The following MSI2 variants were observed in gnomAD, a reference collection of about 807,000 sequenced individuals.
MSI2 encodes RNA-binding protein Musashi homolog 2.
A neutral mutation model predicts 45.6 loss-of-function variants in MSI2; 17 were observed. The observed-to-expected ratio is 0.37, with a 90% CI of 0.26 to 0.56. MSI2 has a LOEUF of 0.56. Among genes scored for constraint, MSI2 ranks in the 20% least tolerant of loss-of-function variants. The probability of loss-of-function intolerance (pLI) is 0.77; values close to 1 mark genes in which losing one functional copy is unlikely to be tolerated. For synonymous variants in MSI2, 156 were observed against 158.2 expected, an observed-to-expected ratio of 0.99 and a Z score of 0.11; for missense variants, 293 against 444.2, an observed-to-expected ratio of 0.66 and a Z score of 3.06.
intron 5 of MSI2, among the ~76,000 whole-genome samples, chr17:57,366,491 C>G (rs755362493): frequency 1.3e-5 from 2 of 152,212 alleles, no homozygotes; most frequent in Non-Finnish European, 1.5e-5. Context: ...TGAGAGACAA[C>G]CCCTAACTTT....
rs1479365893 is a variant in MSI2, at chr17:57,529,178, A to G, written c.406-498A>G. ...AGGCCTGGAGCAGTGGCTCACACCT[A>G]TAATCTCAGCGCTTTGAAAGGCTGC... is the stretch of plus-strand genomic sequence containing the variant. On this transcript the variant is annotated intron_variant, in intron 6 of 13. Coordinates refer to ENST00000284073, the MANE Select transcript of MSI2 (RefSeq NM_138962.4). The surrounding 1 kb of genome is among the most constrained non-coding windows in gnomAD (Gnocchi z 5.3). 6.6e-6 allele frequency among the ~76,000 whole-genome samples: 1 copy of G among 152,140 alleles called. No individual in the cohort carries two copies. The highest frequency in any genetic ancestry group is 6.5e-5 in the Admixed American group (1 of 15,278).
intron 11 of MSI2, among the ~76,000 whole-genome samples, chr17:57,663,020 A>G (rs1200896532): frequency 6.6e-6 from 1 of 152,256 alleles, no homozygotes; most frequent in East Asian, 1.9e-4. Context: ...TTCTCTGGGA[A>G]GACAGACGTC....
chr17:57,365,068 C>T (rs1917098372), intron 5 of MSI2: 1 of 152,104 alleles, frequency 6.6e-6, no homozygotes, highest in Non-Finnish European at 1.5e-5. Flanking sequence ...AGTAGATACC[C>T]AGCTAACTTA....
chr17:57,539,125 G>C (rs1328537028), intron 7 of MSI2, among the ~76,000 whole-genome samples: 1 of 151,452 alleles, frequency 6.6e-6, no homozygotes, highest in Admixed American at 6.6e-5. Flanking sequence ...AGAGAATTAA[G>C]CAACCTGAGA....
At chr17:57,503,704 GTTCACAGGTGC>G (rs2086165330) in intron 6 of MSI2, among the ~76,000 whole-genome samples, 1 of 152,218 alleles carries the variant, frequency 6.6e-6, no homozygotes, top group Non-Finnish European at 1.5e-5. Context: ...TGTGGTTCCT[GTTCACAGGTGC>G]TTATGGTTTA....
Position 57,681,896 on chromosome 17 carries a change from T to C in MSI2, c.*2379T>C, listed in dbSNP as rs1913624617. The C allele has an allele frequency of 4.8e-6, 1 of 206,634 alleles. No homozygotes were observed. Among genetic ancestry groups the C allele is most frequent in the Non-Finnish European group, 9.9e-6 (1 of 101,394 alleles). 12.8% of individuals were successfully genotyped at this position (206,634 alleles called of 1,614,324 possible). On this transcript the variant is annotated 3_prime_UTR_variant, in exon 14 of 14. Transcript: ENST00000284073. ...AGACGAGGGAATTTAATTCCTATTT[T>C]GTCCATGTTGGTGATGTACTGTACT...
intron 6 of MSI2, among the ~76,000 whole-genome samples, chr17:57,402,898 G>T (rs2084018661): frequency 6.6e-6 from 1 of 152,126 alleles, no homozygotes; most frequent in South Asian, 2.1e-4. Context: ...TGATGACTGT[G>T]TACGTTATAG....
intron 5 of MSI2, among the ~76,000 whole-genome samples, chr17:57,293,820 C>G (rs1910690131): frequency 6.6e-6 from 1 of 151,370 alleles, no homozygotes; most frequent in Non-Finnish European, 1.5e-5. Context: ...GTTGGTCAGG[C>G]TGGTCTCGAA....
intron 6 of MSI2, among the ~76,000 whole-genome samples, chr17:57,417,116 C>G (rs1262488669): frequency 3.3e-5 from 5 of 152,214 alleles, no homozygotes; most frequent in Non-Finnish European, 5.9e-5. Flanking sequence ...TCCTTTCCCT[C>G]AGCTGACTCG....
rs957001278 is a variant in MSI2, at chr17:57,666,509, G to A, written c.791-8463G>A. Reference sequence around the variant, plus strand: ...TCATTGGTTTTCACCTCCAGGCCCTGTTTTGTCCCTACCAGTATCAGGCCT... The same window carrying A: ...TCATTGGTTTTCACCTCCAGGCCCTATTTTGTCCCTACCAGTATCAGGCCT... On this transcript the variant is annotated intron_variant, in intron 11 of 13. Transcript: ENST00000284073. Among the ~76,000 whole-genome samples, 5 of 152,324 alleles carry A rather than the reference G, an allele frequency of 3.3e-5. No individual in the cohort carries two copies. In the East Asian group the frequency reaches 9.6e-4, roughly 29 times the overall value.
At chr17:57,290,656 G>A (rs1171554961) in intron 5 of MSI2, among the ~76,000 whole-genome samples, 1 of 152,162 alleles carries the variant, frequency 6.6e-6, no homozygotes. Context: ...GGCTCCTGAG[G>A]CTTTAGGAAA....
chr17:57,625,115 C>G (rs1908676919), intron 9 of MSI2, among the ~76,000 whole-genome samples: 1 of 152,182 alleles, frequency 6.6e-6, no homozygotes, highest in African/African-American at 2.4e-5. Context: ...ACCTCATGGC[C>G]TCATCACACC....
At position 57,632,833 on chromosome 17, in the gene MSI2, T is replaced by C. The variant is rs571429207; in HGVS notation, c.727+5530T>C. On this transcript the variant is annotated intron_variant, in intron 10 of 13. Coordinates refer to ENST00000284073, the MANE Select transcript of MSI2 (RefSeq NM_138962.4). The stretch of plus-strand genomic sequence containing the variant: ...CATTTGATGTGAGTGAATCCATACA[T>C]TTGAATGTCATTGTCCTTGAGACCC... The C allele has an allele frequency of 4.7e-6, 5 of 1,064,948 alleles. No individual in the cohort carries two copies. In the African/African-American group the frequency reaches 8.2e-5, roughly 17 times the overall value. 66.0% of individuals were successfully genotyped at this position (1,064,948 alleles called of 1,614,324 possible). A position where few individuals can be genotyped will look rare whatever the true frequency, so the allele number is the denominator to read the frequency against.
At chr17:57,268,454 G>A (rs1310311762) in intron 5 of MSI2, 3 of 151,910 alleles carry the variant, frequency 2.0e-5, no homozygotes, top group East Asian at 1.9e-4. Flanking sequence ...CGGGGATTGC[G>A]TTAGGTACTT....
At chr17:57,492,278 C>A (rs1031318765) in intron 6 of MSI2, among the ~76,000 whole-genome samples, 2 of 152,208 alleles carry the variant, frequency 1.3e-5, no homozygotes, top group Non-Finnish European at 1.5e-5. Flanking sequence ...AAGTAAAAAT[C>A]AGGACGGCAT....
At chr17:57,454,442 T>C (rs1004319544) in intron 6 of MSI2, among the ~76,000 whole-genome samples, 6 of 148,682 alleles carry the variant, frequency 4.0e-5, no homozygotes, top group East Asian at 1.9e-4. Context: ...CTCTTTCTTT[T>C]TTTTTTTTTT....
At chr17:57,408,900 C>T (rs149990370) in intron 6 of MSI2, among the ~76,000 whole-genome samples, 37 of 152,024 alleles carry the variant, frequency 2.4e-4, no homozygotes, top group African/African-American at 8.7e-4. Context: ...CCCCCACCTC[C>T]GTAGGATACC....
At chr17:57,470,632 G>A (rs1456858149) in intron 6 of MSI2, among the ~76,000 whole-genome samples, 1 of 152,210 alleles carries the variant, frequency 6.6e-6, no homozygotes, top group African/African-American at 2.4e-5. Context: ...CCCAGACCTA[G>A]CTGGCAGAGT....
Position 57,674,980 on chromosome 17 carries a change from C to A in MSI2, c.799C>A (p.Pro267Thr), listed in dbSNP as rs751830794. 7 of 1,613,230 alleles carry A rather than the reference C, an allele frequency of 4.3e-6. No individual in the cohort carries two copies. Among genetic ancestry groups the A allele is most frequent in the Non-Finnish European group, 5.9e-6 (7 of 1,179,706 alleles). ...GCCCGCTTCCCCGGCAGGCTCCAACCCGGCGCGGCCCGGAGGCTTCCCGGG... is the reference window on the plus strand; with the variant it reads ...GCCCGCTTCCCCGGCAGGCTCCAACACGGCGCGGCCCGGAGGCTTCCCGGG... ...VAAARGSGSN[P>T]ARPGGFPGAN... Residue 267 changes from proline to threonine, a missense_variant, in exon 12 of 14, where the codon CCG becomes ACG. Physicochemically the swap from Pro to Thr is conservative, Grantham distance 38 (BLOSUM62 -1). Transcript: ENST00000284073.
Sources: gnomAD v4.1 joint callset for allele counts (sites outside exome capture counted in the v4.1 genomes callset) on GRCh38, gnomAD v4.1.1 for gene constraint, Gnocchi (gnomAD v3.1) non-coding constraint, MANE v1.5 for transcripts, NCBI Gene and HGNC (gene_info 2026-07-23, HGNC 2026-07-21) for gene names.